Variants in WWOX observed in about 807,000 individuals in gnomAD.
The protein encoded by WWOX is WW domain containing oxidoreductase.
A neutral mutation model predicts 46.2 loss-of-function variants in WWOX; 69 were observed. The observed-to-expected ratio is 1.49, with a 90% CI of 1.23 to 1.82. The LOEUF is 1.82. WWOX is among the 40% of genes most tolerant of loss of function. The pLI is 0.00. For synonymous variants in WWOX, 359 were observed against 202.6 expected (o/e 1.77, Z -6.56); for missense variants, 919 against 542.6 (o/e 1.69, Z -6.89).
intron 5 of WWOX, among the ~76,000 whole-genome samples, chr16:78,291,163 G>T (rs1379226953): frequency 6.6e-6 from 1 of 152,088 alleles, no homozygotes; most frequent in Non-Finnish European, 1.5e-5. Flanking sequence ...AAATATATGG[G>T]AAGTTGAGAT....
intron 8 of WWOX, among the ~76,000 whole-genome samples, chr16:78,460,800 T>A (rs2083930562): frequency 6.6e-6 from 1 of 152,240 alleles, no homozygotes; most frequent in Non-Finnish European, 1.5e-5. Context: ...CCATAAATAC[T>A]AAATGAATAC....
At chr16:79,011,706 T>G (rs1369459677) in intron 8 of WWOX, among the ~76,000 whole-genome samples, 5 of 151,908 alleles carry the variant, frequency 3.3e-5, no homozygotes, top group African/African-American at 1.2e-4. Context: ...TTGCCGAGGC[T>G]GGTCTCAAAC....
At chr16:79,085,347 T>C (rs957141545) in intron 8 of WWOX, among the ~76,000 whole-genome samples, 7 of 152,176 alleles carry the variant, frequency 4.6e-5, no homozygotes, top group African/African-American at 7.2e-5. Context: ...GAAAATGATA[T>C]GAGGTTGAAG....
intron 8 of WWOX, among the ~76,000 whole-genome samples, chr16:78,769,508 ATCCC>A (rs1173305857): frequency 6.8e-6 from 1 of 147,922 alleles, no homozygotes; most frequent in African/African-American, 2.5e-5. Flanking sequence ...AACAAATGTA[ATCCC>A]TCCCACCCAC....
intron 5 of WWOX, among the ~76,000 whole-genome samples, chr16:78,269,897 T>C (rs1215747068): frequency 6.7e-6 from 1 of 148,774 alleles, no homozygotes; most frequent in Non-Finnish European, 1.5e-5. Flanking sequence ...TCAGGAAACA[T>C]ATCTATACAT....
At chr16:78,259,791 A>G (rs969601537) in intron 5 of WWOX, among the ~76,000 whole-genome samples, 16 of 151,248 alleles carry the variant, frequency 1.1e-4, no homozygotes, top group African/African-American at 3.9e-4. Flanking sequence ...TTTTTTACCT[A>G]GGAATTTCAT....
chr16:79,197,832 C>T (rs554675270), intron 8 of WWOX, among the ~76,000 whole-genome samples: 1 of 152,232 alleles, frequency 6.6e-6, no homozygotes, highest in East Asian at 1.9e-4. Flanking sequence ...ATGGGAAGTC[C>T]TTATATCAGG....
intron 8 of WWOX, among the ~76,000 whole-genome samples, chr16:78,775,748 A>G (rs2050174925): frequency 6.6e-6 from 1 of 152,358 alleles, no homozygotes; most frequent in East Asian, 1.9e-4. Context: ...AATCATTAGC[A>G]TCATTGCTAG....
intron 3 of WWOX, among the ~76,000 whole-genome samples, chr16:78,113,450 G>A (rs2032606924): frequency 6.6e-6 from 1 of 152,192 alleles, no homozygotes; most frequent in African/African-American, 2.4e-5. Flanking sequence ...GCGTTGTTGT[G>A]TTCCAATAAA....
intron 8 of WWOX, among the ~76,000 whole-genome samples, chr16:78,473,172 C>G (rs368916400): frequency 6.6e-6 from 1 of 152,190 alleles, no homozygotes; most frequent in East Asian, 1.9e-4. Context: ...CTCTGTCACC[C>G]AGGCTAGAGT....
rs890197373 is a variant in WWOX, at chr16:78,364,678, A to G, written c.517-22182A>G. Among the ~76,000 whole-genome samples the G allele has an allele frequency of 2.2e-4, 34 of 151,270 alleles. 1 individual carries two copies. The highest frequency in any genetic ancestry group is 4.6e-4 in the Non-Finnish European group (31 of 67,912). On this transcript the variant is annotated intron_variant, in intron 5 of 8. Coordinates refer to ENST00000566780, the MANE Select transcript of WWOX (RefSeq NM_016373.4). ...GTGCTCTTTCTCTATAATACAGAAC[A>G]TAATTTGTCACTTTGTAAATACATT...
intron 8 of WWOX, chr16:78,503,909 G>T (rs556900146): frequency 1.3e-5 from 2 of 152,278 alleles, no homozygotes; most frequent in South Asian, 4.1e-4. Context: ...ATATGCATGC[G>T]ACTAAGTGTA....
intron 4 of WWOX, among the ~76,000 whole-genome samples, chr16:78,161,841 A>G (rs2034804195): frequency 6.6e-6 from 1 of 152,210 alleles, no homozygotes; most frequent in African/African-American, 2.4e-5. Context: ...AAAATCTAAT[A>G]TAAATCAGTA....
intron 8 of WWOX, among the ~76,000 whole-genome samples, chr16:78,584,195 C>A (rs1056027319): frequency 6.6e-6 from 1 of 152,180 alleles, no homozygotes; most frequent in Middle Eastern, 3.2e-3. Flanking sequence ...CTGGCATAAT[C>A]ATTGTCATCA....
chr16:78,840,744 A>G (rs543055671), intron 8 of WWOX, among the ~76,000 whole-genome samples: 21 of 151,806 alleles, frequency 1.4e-4, no homozygotes, highest in African/African-American at 5.1e-4. Context: ...GTAGGTGTGT[A>G]TGTACATATA....
chr16:78,263,666 A>G (rs79513620), intron 5 of WWOX, among the ~76,000 whole-genome samples: 224 of 152,300 alleles, frequency 1.5e-3, no homozygotes, highest in African/African-American at 5.0e-3. Context: ...CCACCAGTCC[A>G]TTTTGTTCCA....
chr16:78,855,229 C>T (rs567195382), intron 8 of WWOX, among the ~76,000 whole-genome samples: 4 of 152,176 alleles, frequency 2.6e-5, no homozygotes, highest in South Asian at 2.1e-4. Flanking sequence ...AAAGTCTTCA[C>T]GTACTTAATG....
At chr16:78,440,686 G>A (rs575046578) in intron 8 of WWOX, among the ~76,000 whole-genome samples, 4 of 150,706 alleles carry the variant, frequency 2.7e-5, no homozygotes, top group Non-Finnish European at 4.4e-5. Flanking sequence ...GCACAATCCC[G>A]GCTCACTGCA....
At chr16:78,520,332 G>C (rs1051825048) in intron 8 of WWOX, among the ~76,000 whole-genome samples, 1 of 152,158 alleles carries the variant, frequency 6.6e-6, no homozygotes. Context: ...TTAAGGATAC[G>C]CACATTAGAA....
Sources: allele counts gnomAD v4.1 joint callset (sites outside exome capture counted in the v4.1 genomes callset), GRCh38; gene constraint gnomAD v4.1.1; transcripts MANE v1.5; gene names NCBI Gene and HGNC (gene_info 2026-07-23, HGNC 2026-07-21).